ADGRE5: variants seen among roughly 807,000 people sequenced by gnomAD.
The protein encoded by ADGRE5 is CD97 molecule.
ADGRE5 carries 72 observed loss-of-function variants against 100.3 expected under a neutral mutation model. That is an observed-to-expected ratio of 0.72 (90% CI 0.59 to 0.87). The LOEUF (loss-of-function observed/expected upper bound fraction) is 0.87. Ranked by LOEUF, ADGRE5 falls within the 40% of genes least tolerant of loss-of-function variation. The pLI is 0.00. For missense variants in ADGRE5, 959 were observed against 1,094.7 expected, an observed-to-expected ratio of 0.88 and a Z score of 1.75; for synonymous variants, 439 against 447.8, an observed-to-expected ratio of 0.98 and a Z score of 0.25.
chr19:14,406,467 G>A lies in ADGRE5; in HGVS notation c.1958G>A (p.Arg653His). 1 of 1,568,154 alleles carries A rather than the reference G, an allele frequency of 6.4e-7. No homozygotes were observed. The highest frequency in any genetic ancestry group is 8.6e-7 in the Non-Finnish European group (1 of 1,156,732). The change falls in exon 15 of 20, where the codon CGC (arginine) becomes CAC (histidine). Residue 653 changes from arginine to histidine, a missense_variant. Transcript: ENST00000242786. This position sits in a 1 kb window ranked among gnomAD's most constrained non-coding sequence, Gnocchi z 6.0. ...TTCCAAGGCCAGGGCCTGAGTACGC[G>A]CTGGCTCTGCCTGATCGGCTATGGC... The part of the protein sequence containing the change: ...RVFQGQGLST[R>H]WLCLIGYGVP...
chr19:14,388,844 G>A (rs1355820775), intron 3 of ADGRE5, 26 bp downstream of exon 3: 1 of 1,603,744 alleles, frequency 6.2e-7, no homozygotes. Flanking sequence ...GGCAGCGCAG[G>A]GGACATCCGC....
chr19:14,405,979 G>T, intron 14 of ADGRE5, 40 bp downstream of exon 14: 1 of 1,546,184 alleles, frequency 6.5e-7, no homozygotes, highest in Non-Finnish European at 8.7e-7. Context: ...TCTGGGGTCA[G>T]GGAGGCCTGG....
At position 14,390,837 on chromosome 19, in the gene ADGRE5, C is replaced by A; in HGVS notation, c.191-87C>A. On this transcript the variant is annotated intron_variant, in intron 3 of 19. Transcript: ENST00000242786. ...TTTCCAAAAGATACTAAGCAGCAGG[C>A]CCCATGTTGGGGAGTCAGGATGGGG... is the stretch of plus-strand genomic sequence containing the variant. 13 of 1,510,156 alleles carry A rather than the reference C, an allele frequency of 8.6e-6. No homozygotes were observed. In the South Asian group the frequency reaches 1.5e-4, roughly 18 times the overall value. 93.5% of individuals were successfully genotyped at this position (1,510,156 alleles called of 1,614,324 possible). A position where few individuals can be genotyped will look rare whatever the true frequency, so the allele number is the denominator to read the frequency against.
At chr19:14,398,842 G>GTT (rs59412226) in intron 9 of ADGRE5, among the ~76,000 whole-genome samples, 17 of 143,006 alleles carry the variant, frequency 1.2e-4, no homozygotes, top group African/African-American at 1.8e-4. Context: ...GTTTGTTTGC[G>GTT]TTTTTTTTTT....
intron 12 of ADGRE5, among the ~76,000 whole-genome samples, chr19:14,403,362 T>A (rs1295560561): frequency 6.7e-6 from 1 of 148,952 alleles, no homozygotes; most frequent in Non-Finnish European, 1.5e-5. Context: ...TATTTATTTA[T>A]ATTTTTAGAC....
chr19:14,404,327 A>G (rs1976131081), intron 12 of ADGRE5, 56 bp from the exon 13 acceptor site: 2 of 1,521,926 alleles, frequency 1.3e-6, no homozygotes, highest in East Asian at 4.5e-5. Context: ...GCCCAAGCCC[A>G]GGACCTAAGA....
chr19:14,393,615 C>T (rs1975676352), intron 4 of ADGRE5, among the ~76,000 whole-genome samples: 1 of 152,182 alleles, frequency 6.6e-6, no homozygotes, highest in Non-Finnish European at 1.5e-5. Context: ...AGACTCAAGA[C>T]TACAGAGAGA....
At chr19:14,405,535 G>A (rs1568319428) in intron 13 of ADGRE5, 2 of 512,574 alleles carry the variant, frequency 3.9e-6, no homozygotes, top group Non-Finnish European at 6.8e-6. Flanking sequence ...GAGAAGGGGG[G>A]CGCCTGTGGT....
rs766600227 is a variant in ADGRE5, at chr19:14,401,786, G to A, written c.1183+26G>A. 4.8e-6 allele frequency: 7 copies of A among 1,460,760 alleles called. No individual in the cohort carries two copies. The highest frequency in any genetic ancestry group is 6.5e-6 in the Non-Finnish European group (7 of 1,080,496). 90.5% of individuals were successfully genotyped at this position (1,460,760 alleles called of 1,614,324 possible). A position where few individuals can be genotyped will look rare whatever the true frequency, so the allele number is the denominator to read the frequency against. On this transcript the variant is annotated intron_variant, in intron 11 of 19. Coordinates refer to ENST00000242786, the MANE Select transcript of ADGRE5 (RefSeq NM_078481.4). The surrounding 1 kb of genome is among the most constrained non-coding windows in gnomAD (Gnocchi z 4.1). ...GTAGCAGCGGTGGTCTGGAGGGGGA[G>A]CCCGTGGGAGAGAGATGGAGGTGCT... is the stretch of plus-strand genomic sequence containing the variant.
Position 14,390,908 on chromosome 19 carries a change from T to C in ADGRE5, c.191-16T>C, listed in dbSNP as rs772678025. On this transcript the variant is annotated splice_polypyrimidine_tract_variant and intron_variant, in intron 3 of 19. Coordinates refer to ENST00000242786, the MANE Select transcript of ADGRE5 (RefSeq NM_078481.4). ...CACATCTTTGGGAGGTGACTCCCTG[T>C]CCTGTTGTGTTCCAGACATCAACGA... 2 of 1,613,396 alleles carry C rather than the reference T, an allele frequency of 1.2e-6. No homozygotes were observed. The highest frequency in any genetic ancestry group is 2.2e-5 in the South Asian group (2 of 90,942).
Position 14,406,967 on chromosome 19 carries a change from G to C in ADGRE5, c.2207+7G>C, listed in dbSNP as rs1976275575. 1 of 1,613,900 alleles carries C rather than the reference G, an allele frequency of 6.2e-7. No individual in the cohort carries two copies. The highest frequency in any genetic ancestry group is 8.5e-7 in the Non-Finnish European group (1 of 1,179,876). On this transcript the variant is annotated splice_region_variant and intron_variant, in intron 17 of 19. Transcript: ENST00000242786. The surrounding 1 kb of genome is among the most constrained non-coding windows in gnomAD (Gnocchi z 6.0). ...AGAAATTAAAGAAGGCGAGGTGAGA[G>C]GAGAGGCTGGAAGGACTTGGAGGCG...
rs1975458783 is a variant in ADGRE5 at position 14,388,890 on chromosome 19, GGTT to G, written c.190+78_190+80del. ...CATTGCCCAGCCAGTGGGGGACAGA[GGTT>G]GTTGTGAGGGGCCACAGCCTTACCT... On this transcript the variant is annotated intron_variant, in intron 3 of 19. Transcript: ENST00000242786. 62 of 1,421,468 alleles carry G rather than the reference GGTT, an allele frequency of 4.4e-5. 1 individual carries two copies. The South Asian group carries it at 7.0e-4, about 16-fold the overall frequency. The allele number at this position is 1,421,468 out of a possible 1,614,324, so 88.1% of individuals were successfully genotyped here.
At chr19:14,396,564 A>G in intron 5 of ADGRE5, 91 bp downstream of exon 5, 1 of 1,560,198 alleles carries the variant, frequency 6.4e-7, no homozygotes, top group Non-Finnish European at 8.7e-7. Flanking sequence ...AGGAGGGGGA[A>G]GATCCGCAGG....
At chr19:14,404,716 C>G in intron 13 of ADGRE5, 154 bp downstream of exon 13, 1 of 675,544 alleles carries the variant, frequency 1.5e-6, no homozygotes, top group East Asian at 3.0e-5. Flanking sequence ...CCTTCGCAGC[C>G]TCTTCCTTTG....
chr19:14,384,490 C>G (rs1975262103), intron 1 of ADGRE5, among the ~76,000 whole-genome samples: 1 of 152,164 alleles, frequency 6.6e-6, no homozygotes, highest in Non-Finnish European at 1.5e-5. Context: ...GGTCCCCATC[C>G]CTCTGCCCGA....
intron 4 of ADGRE5, among the ~76,000 whole-genome samples, chr19:14,395,945 G>A (rs893141270): frequency 2.6e-5 from 4 of 152,204 alleles, no homozygotes; most frequent in South Asian, 2.1e-4. Flanking sequence ...GCCAGCGAGC[G>A]GCCGTTCTGT....
chr19:14,398,509 C>A (rs770522211), intron 9 of ADGRE5, among the ~76,000 whole-genome samples: 15 of 54,664 alleles, frequency 2.7e-4, no homozygotes, highest in African/African-American at 3.9e-4. Context: ...TCTCTACTAA[C>A]AATACAAAAA....
Position 14,401,223 on chromosome 19 carries a change from A to G in ADGRE5, c.898-163A>G, listed in dbSNP as rs1401362766. Among the ~76,000 whole-genome samples the G allele has an allele frequency of 2.0e-5, 3 of 152,208 alleles. No homozygotes were observed. Among genetic ancestry groups the G allele is most frequent in the Admixed American group, 1.3e-4 (2 of 15,278 alleles). ...TGTGATTCATACGTGCATGCAGGCA[A>G]ATACTCAATCCGTCGCTTGTTTTCT... is the stretch of plus-strand genomic sequence containing the variant. On this transcript the variant is annotated intron_variant, in intron 9 of 19. Transcript: ENST00000242786. This position sits in a 1 kb window ranked among gnomAD's most constrained non-coding sequence, Gnocchi z 4.1.
Position 14,408,115 on chromosome 19 carries a change from C to G in ADGRE5, c.2502C>G (p.Gly834=). 1 of 1,613,268 alleles carries G rather than the reference C, an allele frequency of 6.2e-7. No homozygotes were observed. The highest frequency in any genetic ancestry group is 8.5e-7 in the Non-Finnish European group (1 of 1,179,992). The change falls in exon 20 of 20, where the codon GGC becomes GGG. Residue 834 remains glycine, a synonymous_variant. Coordinates refer to ENST00000242786, the MANE Select transcript of ADGRE5 (RefSeq NM_078481.4). ...AGGCCCTCAGGGCATCAGAGTCCGG[C>G]ATATGAAGGCGCATGGTTCTGGACG... ...QTRALRASES[G]I
Sources: gnomAD v4.1 joint callset for allele counts (sites outside exome capture counted in the v4.1 genomes callset) on GRCh38, gnomAD v4.1.1 for gene constraint, Gnocchi (gnomAD v3.1) non-coding constraint, MANE v1.5 for transcripts, NCBI Gene and HGNC (gene_info 2026-07-23, HGNC 2026-07-21) for gene names.